Variants in FMNL2 observed in about 807,000 individuals in gnomAD.
FMNL2 encodes the protein formin like 2.
A neutral mutation model predicts 130.2 loss-of-function variants in FMNL2; 51 were observed. That is an observed-to-expected ratio of 0.39 (90% CI 0.31 to 0.49). The LOEUF (loss-of-function observed/expected upper bound fraction) is 0.49. Among genes scored for constraint, FMNL2 ranks in the 20% least tolerant of loss-of-function variants. The pLI is 0.85. For synonymous variants in FMNL2, 465 were observed against 467.1 expected, an observed-to-expected ratio of 1.00 and a Z score of 0.06; for missense variants, 977 against 1,316.2, an observed-to-expected ratio of 0.74 and a Z score of 3.99.
intron 8 of FMNL2, among the ~76,000 whole-genome samples, chr2:152,579,962 A>G (rs1696689810): frequency 6.6e-6 from 1 of 152,354 alleles, no homozygotes; most frequent in South Asian, 2.1e-4. Flanking sequence ...CTGTTTATAA[A>G]TTAGCCATTT....
intron 1 of FMNL2, among the ~76,000 whole-genome samples, chr2:152,501,404 T>C (rs898702774): frequency 6.6e-6 from 1 of 152,242 alleles, no homozygotes; most frequent in Non-Finnish European, 1.5e-5. Context: ...CTAAAAGACA[T>C]GTAACTTAAA....
intron 2 of FMNL2, among the ~76,000 whole-genome samples, chr2:152,531,316 A>G (rs1693673040): frequency 1.3e-5 from 2 of 152,086 alleles, no homozygotes; most frequent in Non-Finnish European, 2.9e-5. Context: ...CTTAGATCCT[A>G]TTTGAAAGTT....
intron 1 of FMNL2, among the ~76,000 whole-genome samples, chr2:152,488,022 C>T (rs575605125): frequency 2.6e-5 from 4 of 152,202 alleles, no homozygotes; most frequent in South Asian, 4.1e-4. Context: ...TCAAGTGATA[C>T]GCCCACCTCG....
At chr2:152,420,232 C>T (rs1034311834) in intron 1 of FMNL2, among the ~76,000 whole-genome samples, 3 of 152,128 alleles carry the variant, frequency 2.0e-5, no homozygotes, top group Admixed American at 6.5e-5. Flanking sequence ...TGTGAAAAGA[C>T]GAATTTGGTC....
chr2:152,479,097 T>C (rs1274316549), intron 1 of FMNL2, among the ~76,000 whole-genome samples: 2 of 152,188 alleles, frequency 1.3e-5, no homozygotes, highest in Admixed American at 1.3e-4. Context: ...ACTCCAAGTT[T>C]TCAAGAAACA....
chr2:152,366,433 TATA>T (rs1259847070), intron 1 of FMNL2, among the ~76,000 whole-genome samples: 4 of 140,530 alleles, frequency 2.8e-5, no homozygotes, highest in Non-Finnish European at 6.0e-5. Context: ...AAACTTAAAG[TATA>T]ATAATAATAA....
intron 1 of FMNL2, among the ~76,000 whole-genome samples, chr2:152,378,419 C>T (rs1684288294): frequency 6.6e-6 from 1 of 152,128 alleles, no homozygotes; most frequent in Non-Finnish European, 1.5e-5. Context: ...ATCTTTAGAT[C>T]CCAATGTAGA....
intron 1 of FMNL2, among the ~76,000 whole-genome samples, chr2:152,501,607 C>T (rs1691837712): frequency 1.3e-5 from 2 of 152,136 alleles, no homozygotes; most frequent in African/African-American, 2.4e-5. Flanking sequence ...GTGAGAGGGT[C>T]TCAGGAATAT....
chr2:152,408,807 G>GA (rs1347173349), intron 1 of FMNL2, among the ~76,000 whole-genome samples: 5 of 151,914 alleles, frequency 3.3e-5, no homozygotes, highest in South Asian at 2.1e-4. Flanking sequence ...TACTGAAATT[G>GA]AAAAAACAGA....
chr2:152,521,728 T>G (rs1415121531), intron 1 of FMNL2, among the ~76,000 whole-genome samples: 2 of 152,212 alleles, frequency 1.3e-5, no homozygotes, highest in Non-Finnish European at 2.9e-5. Flanking sequence ...TCATCTCACA[T>G]GTCCCACCAT....
At chr2:152,394,625 C>CTT (rs969060217) in intron 1 of FMNL2, among the ~76,000 whole-genome samples, 1 of 132,228 alleles carries the variant, frequency 7.6e-6, no homozygotes. Context: ...AAAATTTTGA[C>CTT]TTTTTTTTTT....
chr2:152,347,398 A>G (rs1682188044), intron 1 of FMNL2, among the ~76,000 whole-genome samples: 1 of 152,206 alleles, frequency 6.6e-6, no homozygotes, highest in Non-Finnish European at 1.5e-5. Flanking sequence ...TTGACACTGC[A>G]GCATTTTCTT....
At chr2:152,446,282 AT>A (rs1354878444) in intron 1 of FMNL2, among the ~76,000 whole-genome samples, 9 of 151,916 alleles carry the variant, frequency 5.9e-5, no homozygotes, top group African/African-American at 1.5e-4. Context: ...TCTAATAAAT[AT>A]TTTTTTTAGA....
intron 25 of FMNL2, chr2:152,645,359 T>G (rs576559849): frequency 2.6e-5 from 20 of 764,748 alleles, no homozygotes; most frequent in East Asian, 1.3e-4. Flanking sequence ...TGTTGAGCAC[T>G]AAGTTGAGTT....
At chr2:152,386,954 T>C (rs1318215713) in intron 1 of FMNL2, among the ~76,000 whole-genome samples, 1 of 152,148 alleles carries the variant, frequency 6.6e-6, no homozygotes, top group Non-Finnish European at 1.5e-5. Context: ...TGTTTTTTCT[T>C]CCCAGATTCC....
At chr2:152,628,877 G>A (rs1437356092) in intron 18 of FMNL2, among the ~76,000 whole-genome samples, 1 of 152,114 alleles carries the variant, frequency 6.6e-6, no homozygotes, top group Non-Finnish European at 1.5e-5. Flanking sequence ...TGGCAGTGTT[G>A]GCAAGACTGA....
intron 1 of FMNL2, among the ~76,000 whole-genome samples, chr2:152,400,697 T>C (rs1392274426): frequency 6.6e-6 from 1 of 152,202 alleles, no homozygotes; most frequent in African/African-American, 2.4e-5. Flanking sequence ...ATAACTGTTA[T>C]GTCATAGGTG....
At chr2:152,591,825 C>A (rs773762236) in intron 9 of FMNL2, among the ~76,000 whole-genome samples, 55 of 151,786 alleles carry the variant, frequency 3.6e-4, no homozygotes, top group Non-Finnish European at 8.8e-5. Flanking sequence ...GATAAGGCAG[C>A]CAGGTGCGGT....
chr2:152,597,046 A>G (rs1697808139), intron 9 of FMNL2, among the ~76,000 whole-genome samples: 2 of 152,224 alleles, frequency 1.3e-5, no homozygotes, highest in African/African-American at 2.4e-5. Context: ...AGTTATCTAG[A>G]TCTTCTAATA....
Sources: gnomAD v4.1 joint callset for allele counts (sites outside exome capture counted in the v4.1 genomes callset) on GRCh38, gnomAD v4.1.1 for gene constraint, MANE v1.5 for transcripts, NCBI Gene and HGNC (gene_info 2026-07-23, HGNC 2026-07-21) for gene names.